Variants in METTL14 observed in about 807,000 individuals in gnomAD.
METTL14 encodes methyltransferase 14, N6-adenosine-methyltransferase non-catalytic subunit.
A neutral mutation model predicts 62.4 loss-of-function variants in METTL14; 32 were observed. The observed-to-expected ratio is 0.51, with a 90% CI of 0.39 to 0.69. The LOEUF (loss-of-function observed/expected upper bound fraction) is 0.69. Ranked by LOEUF, METTL14 falls within the 30% of genes least tolerant of loss-of-function variation. The probability of loss-of-function intolerance (pLI) is 0.00; values close to 1 mark genes in which losing one functional copy is unlikely to be tolerated. For synonymous variants in METTL14, 150 were observed against 180.0 expected (o/e 0.83, Z 1.34); for missense variants, 340 against 551.9 (o/e 0.62, Z 3.85).
chr4:118,713,513 T>G lies in METTL14; in HGVS notation c.*3211T>G, dbSNP rs1011062809. The G allele has an allele frequency of 6.6e-6, 1 of 152,222 alleles. No individual in the cohort carries two copies. The highest frequency in any genetic ancestry group is 1.9e-4 in the East Asian group (1 of 5,200). The allele number at this position is 152,222 out of a possible 1,614,324, so 9.4% of individuals were successfully genotyped here. A position where few individuals can be genotyped will look rare whatever the true frequency, so the allele number is the denominator to read the frequency against. ...TTTACTAATTTGTTTAATATAATCC[T>G]TATTAACATGACAAAATGAAAGCCC... On this transcript the variant is annotated 3_prime_UTR_variant, in exon 11 of 11. Coordinates refer to ENST00000388822, the MANE Select transcript of METTL14 (RefSeq NM_020961.4).
chr4:118,694,560 A>G (rs372586830), intron 6 of METTL14, 34 bp downstream of exon 6: 3 of 1,492,464 alleles, frequency 2.0e-6, no homozygotes, highest in Admixed American at 1.7e-5. Flanking sequence ...GTTTATTCCC[A>G]ACTCAGGCTT....
In METTL14 at chr4:118,700,660, T is replaced by C; in HGVS notation, c.738+18T>C. The stretch of plus-strand genomic sequence containing the variant: ...GAAGAGTGGTAAGATGGTGCTTTTA[T>C]AAAGTGGATTTTTAAATTAATAAGA... On this transcript the variant is annotated intron_variant, in intron 8 of 10. Transcript: ENST00000388822. 1.3e-6 allele frequency: 2 copies of C among 1,550,764 alleles called. No individual in the cohort carries two copies. The highest frequency in any genetic ancestry group is 1.8e-6 in the Non-Finnish European group (2 of 1,139,642).
rs419292 is a variant in METTL14, at chr4:118,712,975, T to G, written c.*2673T>G. On this transcript the variant is annotated 3_prime_UTR_variant, in exon 11 of 11. Transcript: ENST00000388822. The stretch of plus-strand genomic sequence containing the variant: ...ATTTTATGGTGTGGAATACCATACC[T>G]AAACACAAATGAATCAGATTAGACC... The G allele has an allele frequency of 6.6e-6, 1 of 151,908 alleles. No homozygotes were observed. The allele number at this position is 151,908 out of a possible 1,614,324, so 9.4% of individuals were successfully genotyped here. A position where few individuals can be genotyped will look rare whatever the true frequency, so the allele number is the denominator to read the frequency against.
At position 118,702,381 on chromosome 4, in the gene METTL14, T is replaced by G. The variant is rs868788949; in HGVS notation, c.739-1554T>G. Among the ~76,000 whole-genome samples the G allele has an allele frequency of 1.8e-4, 28 of 152,274 alleles. No individual in the cohort carries two copies. The Middle Eastern group carries it at 0.017, about 92-fold the overall frequency. Reference sequence around the variant, plus strand: ...ATGAGATTTTGATAAATTAGTGGATTAGGGCATGTAGAATTTAGGTCATAG... The same window carrying G: ...ATGAGATTTTGATAAATTAGTGGATGAGGGCATGTAGAATTTAGGTCATAG... On this transcript the variant is annotated intron_variant, in intron 8 of 10. Transcript: ENST00000388822.
chr4:118,691,538 C>G lies in METTL14; in HGVS notation c.250C>G (p.Leu84Val), dbSNP rs1421109458. ...TAATCTTATGTTTTTCAAGGATGAA[C>G]TAGAAATGCAACAGGATGAAGAAAA... Reference protein sequence around the residue: ...EDKMEEYKDELEMQQDEENLP... With the variant: ...EDKMEEYKDEVEMQQDEENLP... Residue 84 changes from leucine (L) to valine (V), a missense_variant, in exon 4 of 11, where the codon CTA (leucine) becomes GTA (valine). This residue lies in a region of METTL14 where 111 missense variants were observed against 116.6 expected (regional missense o/e 0.95). Transcript: ENST00000388822. 2 of 1,542,296 alleles carry G rather than the reference C, an allele frequency of 1.3e-6. No individual in the cohort carries two copies. Among genetic ancestry groups the G allele is most frequent in the Non-Finnish European group, 1.8e-6 (2 of 1,138,792 alleles).
intron 3 of METTL14, among the ~76,000 whole-genome samples, chr4:118,690,331 C>T (rs1156620930): frequency 6.6e-6 from 1 of 151,850 alleles, no homozygotes. Context: ...AGCCACCATG[C>T]CTGGCCAGCA....
chr4:118,710,331 T>C lies in METTL14; in HGVS notation c.*29T>C, dbSNP rs751111520. ...TTGAAGACATTGAACCTATTCATCCTCCTCTAACCTTCTTTATTGTAATTA... is the reference window on the plus strand; with the variant it reads ...TTGAAGACATTGAACCTATTCATCCCCCTCTAACCTTCTTTATTGTAATTA... On this transcript the variant is annotated 3_prime_UTR_variant, in exon 11 of 11. Transcript: ENST00000388822. 6.4e-7 allele frequency: 1 copy of C among 1,556,692 alleles called. No homozygotes were observed. Among genetic ancestry groups the C allele is most frequent in the Middle Eastern group, 2.2e-4 (1 of 4,476 alleles).
rs560540745 is a variant in METTL14, at chr4:118,711,601, C to G, written c.*1299C>G. On this transcript the variant is annotated 3_prime_UTR_variant, in exon 11 of 11. Transcript: ENST00000388822. The stretch of plus-strand genomic sequence containing the variant: ...TAAGATGAGATTATATTACATCCAC[C>G]AAAGACTCAGTTTGAAGATAAGGAA... 120 of 152,130 alleles carry G rather than the reference C, an allele frequency of 7.9e-4. No homozygotes were observed. The highest frequency in any genetic ancestry group is 2.7e-3 in the African/African-American group (114 of 41,494). 9.4% of individuals were successfully genotyped at this position (152,130 alleles called of 1,614,324 possible). A position where few individuals can be genotyped will look rare whatever the true frequency, so the allele number is the denominator to read the frequency against.
At position 118,714,879 on chromosome 4, in the gene METTL14, A is replaced by G. The variant is rs298974; in HGVS notation, c.*4577A>G. 99,820 of 152,118 alleles carry G rather than the reference A, an allele frequency of 0.66. 33,709 individuals carry two copies. The highest frequency in any genetic ancestry group is 0.73 in the Non-Finnish European group (49,457 of 68,002). 9.4% of individuals were successfully genotyped at this position (152,118 alleles called of 1,614,324 possible). On this transcript the variant is annotated 3_prime_UTR_variant, in exon 11 of 11. Transcript: ENST00000388822. ...CAGGATTACAGGCGTGAGCCTCTGC[A>G]ACTGGCCAACATGCATATTTAAATT...
chr4:118,695,139 C>T (rs113329630), intron 6 of METTL14, among the ~76,000 whole-genome samples: 4 of 152,102 alleles, frequency 2.6e-5, no homozygotes, highest in African/African-American at 7.2e-5. Context: ...CCTATTTCTT[C>T]GTTATAGCAA....
In METTL14 at chr4:118,713,417, A is replaced by C. The variant is rs1204751694; in HGVS notation, c.*3115A>C. On this transcript the variant is annotated 3_prime_UTR_variant, in exon 11 of 11. Transcript: ENST00000388822. ...ATCTTTCAGTTAGTTACAGCGCTTA[A>C]TTTAAAACCTGTACTGTTTTCATCC... is the stretch of plus-strand genomic sequence containing the variant. 2 of 152,188 alleles carry C rather than the reference A, an allele frequency of 1.3e-5. No homozygotes were observed. Among genetic ancestry groups the C allele is most frequent in the African/African-American group, 4.8e-5 (2 of 41,436 alleles). The allele number at this position is 152,188 out of a possible 1,614,324, so 9.4% of individuals were successfully genotyped here.
At chr4:118,685,681 TTCTGTCCCTTC>T in intron 1 of METTL14, 81 bp downstream of exon 1, 1 of 1,192,572 alleles carries the variant, frequency 8.4e-7, no homozygotes, top group Non-Finnish European at 1.2e-6. Flanking sequence ...CCCCGCCTTT[TTCTGTCCCTTC>T]TCTACCTGCC....
intron 1 of METTL14, among the ~76,000 whole-genome samples, chr4:118,687,600 G>C (rs529151282): frequency 6.6e-6 from 1 of 152,106 alleles, no homozygotes; most frequent in African/African-American, 2.4e-5. Context: ...CACTTACAAC[G>C]TTTATTTTGA....
chr4:118,703,865 G>T (rs1337647156), intron 8 of METTL14, 70 bp from the exon 9 acceptor site: 9 of 868,804 alleles, frequency 1.0e-5, no homozygotes, highest in South Asian at 1.9e-5. Flanking sequence ...TTTTAATGCT[G>T]GTTGTTATTG....
At chr4:118,690,809 A>G (rs1724223168) in intron 3 of METTL14, among the ~76,000 whole-genome samples, 1 of 152,168 alleles carries the variant, frequency 6.6e-6, no homozygotes, top group Non-Finnish European at 1.5e-5. Context: ...AATATTGGAT[A>G]GTATAATCAA....
rs946090762 is a variant in METTL14 at position 118,685,399 on chromosome 4, T to C, written c.-136T>C. 1.5e-4 allele frequency: 130 copies of C among 874,094 alleles called. 2 individuals are homozygous for C. The South Asian group carries it at 1.9e-3, about 13-fold the overall frequency. 54.1% of individuals were successfully genotyped at this position (874,094 alleles called of 1,614,324 possible). A position where few individuals can be genotyped will look rare whatever the true frequency, so the allele number is the denominator to read the frequency against. Reference sequence around the variant, plus strand: ...CAATTCCGGCCGCGCCGGAAGTCTCTACTGAGGAAAGCTATGAGGATACTC... The same window carrying C: ...CAATTCCGGCCGCGCCGGAAGTCTCCACTGAGGAAAGCTATGAGGATACTC... On this transcript the variant is annotated 5_prime_UTR_variant, in exon 1 of 11. Transcript: ENST00000388822.
At chr4:118,691,840 A>T in intron 4 of METTL14, 141 bp from the exon 5 acceptor site, 1 of 629,352 alleles carries the variant, frequency 1.6e-6, no homozygotes, top group Non-Finnish European at 2.7e-6. Flanking sequence ...TAATAATTTT[A>T]GTTGTATTTT....
chr4:118,686,130 C>T (rs1045555785), intron 1 of METTL14, among the ~76,000 whole-genome samples: 8 of 152,220 alleles, frequency 5.3e-5, no homozygotes, highest in Non-Finnish European at 1.2e-4. Context: ...AAATCTTACT[C>T]TGTGTTAGTC....
Position 118,710,633 on chromosome 4 carries a change from A to C in METTL14, c.*331A>C. On this transcript the variant is annotated 3_prime_UTR_variant, in exon 11 of 11. Transcript: ENST00000388822. ...AATTTTTGGGAATAAATAATGGAAAAAGATCCAGTCTGTGGTATCATGCTA... is the reference window on the plus strand; with the variant it reads ...AATTTTTGGGAATAAATAATGGAAACAGATCCAGTCTGTGGTATCATGCTA... 4.9e-6 allele frequency: 1 copy of C among 203,134 alleles called. No homozygotes were observed. The highest frequency in any genetic ancestry group is 9.9e-6 in the Non-Finnish European group (1 of 100,942). The allele number at this position is 203,134 out of a possible 1,614,324, so 12.6% of individuals were successfully genotyped here.
Sources: allele counts gnomAD v4.1 joint callset (sites outside exome capture counted in the v4.1 genomes callset), GRCh38; gene constraint gnomAD v4.1.1; regional missense constraint gnomAD v4.1.1; transcripts MANE v1.5; gene names NCBI Gene and HGNC (gene_info 2026-07-23, HGNC 2026-07-21).